The following TJP2 variants were observed in gnomAD, a reference collection of about 807,000 sequenced individuals.
The protein encoded by TJP2 is tight junction protein 2, also known as Friedreich ataxia region gene X104 (tight junction protein ZO-2).
A neutral mutation model predicts 133.1 loss-of-function variants in TJP2; 91 were observed. The ratio of observed to expected loss-of-function variants is 0.68; its 90% CI spans 0.58 to 0.81. The LOEUF (loss-of-function observed/expected upper bound fraction) is 0.81. Among genes scored for constraint, TJP2 ranks in the 40% least tolerant of loss-of-function variants. TJP2 has a pLI of 0.00. For missense variants in TJP2, 1,541 were observed against 1,565.6 expected (o/e 0.98, Z 0.26); for synonymous variants, 592 against 583.4 (o/e 1.01, Z -0.21).
chr9:69,247,008 C>G (rs1228410750), intron 18 of TJP2, among the ~76,000 whole-genome samples: 1 of 152,198 alleles, frequency 6.6e-6, no homozygotes, highest in Non-Finnish European at 1.5e-5. Context: ...ACATTCACTT[C>G]CCTTTCACTT....
At chr9:69,197,788 AGT>A (rs1564426697) in intron 1 of TJP2, among the ~76,000 whole-genome samples, 2 of 152,094 alleles carry the variant, frequency 1.3e-5, no homozygotes, top group Non-Finnish European at 2.9e-5. Context: ...GAGCTTGGAG[AGT>A]GTGTAGGGGG....
chr9:69,155,569 C>T (rs1319993562), intron 2 of TJP2, among the ~76,000 whole-genome samples: 3 of 152,272 alleles, frequency 2.0e-5, no homozygotes, highest in Non-Finnish European at 4.4e-5. Context: ...AACCACTAAC[C>T]TGGAGAGTAC....
chr9:69,214,866 C>CAAAAAAA (rs10672826), intron 2 of TJP2, among the ~76,000 whole-genome samples: 1 of 135,812 alleles, frequency 7.4e-6, no homozygotes. Flanking sequence ...GACTCCATCT[C>CAAAAAAA]AAAAAAAAAA....
At chr9:69,216,269 G>A in intron 2 of TJP2, 70 bp from the exon 3 acceptor site, 1 of 1,585,222 alleles carries the variant, frequency 6.3e-7, no homozygotes, top group Non-Finnish European at 8.6e-7. Flanking sequence ...TTATTTTATT[G>A]AGTGCTTGTA....
chr9:69,234,502 C>G lies in TJP2; in HGVS notation c.1735C>G (p.Pro579Ala). 6.3e-7 allele frequency: 1 copy of G among 1,585,144 alleles called. No individual in the cohort carries two copies. Among genetic ancestry groups the G allele is most frequent in the Non-Finnish European group, 8.6e-7 (1 of 1,167,308 alleles). Residue 579 changes from proline (P) to alanine (A), a missense_variant, in exon 12 of 23, where the codon CCT (proline) becomes GCT (alanine). Coordinates refer to ENST00000377245, the MANE Select transcript of TJP2 (RefSeq NM_004817.4). Reference sequence around the variant, plus strand: ...TGCCGTTCTCTACCTGTTAGAAATCCCTAAAGGTGAAATGGTGACCATTTT... The same window carrying G: ...TGCCGTTCTCTACCTGTTAGAAATCGCTAAAGGTGAAATGGTGACCATTTT... ...EDAVLYLLEI[P>A]KGEMVTILAQ...
intron 2 of TJP2, among the ~76,000 whole-genome samples, chr9:69,157,504 C>T (rs1019824694): frequency 4.7e-5 from 7 of 149,862 alleles, no homozygotes; most frequent in Admixed American, 6.6e-5. Context: ...CTCACTCTGT[C>T]GCCCAGGCTG....
At chr9:69,219,949 G>A (rs898484428) in intron 4 of TJP2, among the ~76,000 whole-genome samples, 1 of 151,842 alleles carries the variant, frequency 6.6e-6, no homozygotes, top group Non-Finnish European at 1.5e-5. Flanking sequence ...TCAGGAGTTC[G>A]AGACCAGCCT....
intron 2 of TJP2, among the ~76,000 whole-genome samples, chr9:69,213,540 A>G (rs1828104520): frequency 6.6e-6 from 1 of 152,212 alleles, no homozygotes; most frequent in Non-Finnish European, 1.5e-5. Flanking sequence ...GTGAGCTTCA[A>G]GCTTTGTCTT....
At chr9:69,231,442 C>G (rs1388789719) in intron 11 of TJP2, among the ~76,000 whole-genome samples, 6 of 150,592 alleles carry the variant, frequency 4.0e-5, no homozygotes, top group Non-Finnish European at 8.8e-5. Flanking sequence ...TGCAAACTTG[C>G]AGTTCATATA....
At chr9:69,177,289 A>G (rs1357486205) in intron 1 of TJP2, among the ~76,000 whole-genome samples, 1 of 152,148 alleles carries the variant, frequency 6.6e-6, no homozygotes, top group Non-Finnish European at 1.5e-5. Context: ...GAAGCAGAAC[A>G]GTTTTCTCTG....
At chr9:69,162,611 G>C (rs1408240544) in intron 2 of TJP2, among the ~76,000 whole-genome samples, 2 of 152,222 alleles carry the variant, frequency 1.3e-5, no homozygotes, top group Non-Finnish European at 2.9e-5. Context: ...TATGCAGTTA[G>C]AAAAGATGAT....
At chr9:69,251,476 C>A in intron 21 of TJP2, 112 bp downstream of exon 21, 1 of 1,135,536 alleles carries the variant, frequency 8.8e-7, no homozygotes, top group Non-Finnish European at 1.3e-6. Flanking sequence ...GGATGCACTG[C>A]ACCAAAGGCA....
chr9:69,244,142 C>G (rs934183879), intron 17 of TJP2, among the ~76,000 whole-genome samples: 2 of 140,516 alleles, frequency 1.4e-5, no homozygotes, highest in African/African-American at 5.4e-5. Flanking sequence ...CGAGATTGCA[C>G]TACAGCACTC....
intron 20 of TJP2, chr9:69,249,781 G>A: frequency 2.0e-6 from 2 of 980,498 alleles, no homozygotes; most frequent in South Asian, 9.4e-5. Flanking sequence ...GAAAAATACT[G>A]TACTGTATAC....
intron 2 of TJP2, among the ~76,000 whole-genome samples, chr9:69,162,359 A>G (rs964069647): frequency 1.1e-4 from 16 of 152,022 alleles, no homozygotes; most frequent in South Asian, 2.1e-4. Context: ...GGAATATTCT[A>G]TTCTGTTTAA....
chr9:69,173,307 C>T (rs1278992740), upstream of TJP2, among the ~76,000 whole-genome samples: 2 of 152,138 alleles, frequency 1.3e-5, no homozygotes, highest in African/African-American at 2.4e-5. Flanking sequence ...TATTTTTAAT[C>T]GGTACCTGTT....
At chr9:69,182,425 C>T (rs1825578831) in intron 1 of TJP2, among the ~76,000 whole-genome samples, 1 of 152,182 alleles carries the variant, frequency 6.6e-6, no homozygotes, top group East Asian at 1.9e-4. Context: ...AAGTTTGCAA[C>T]ACATTGAAAG....
chr9:69,225,378 A>G lies in TJP2; in HGVS notation c.1027A>G (p.Asn343Asp), dbSNP rs538420656. 16 of 1,613,770 alleles carry G rather than the reference A, an allele frequency of 9.9e-6. No homozygotes were observed. In the Admixed American group the frequency reaches 2.5e-4, roughly 25 times the overall value. Residue 343 changes from asparagine to aspartate, a missense_variant, in exon 6 of 23, where the codon AAC becomes GAC. Transcript: ENST00000377245. ...AACGGGTCTGGCAACTAAAGATGGC[A>G]ACCTTCACGAAGGAGACATAATTCT... Reference protein sequence around the residue: ...TRTGLATKDGNLHEGDIILKI... With the variant: ...TRTGLATKDGDLHEGDIILKI...
At chr9:69,135,402 G>C (rs749949214) in intron 1 of TJP2, among the ~76,000 whole-genome samples, 1 of 152,128 alleles carries the variant, frequency 6.6e-6, no homozygotes, top group Non-Finnish European at 1.5e-5. Flanking sequence ...CTGGGATTCT[G>C]ACCAGGCAGT....
Sources: allele counts gnomAD v4.1 joint callset (sites outside exome capture counted in the v4.1 genomes callset), GRCh38; gene constraint gnomAD v4.1.1; transcripts MANE v1.5; gene names NCBI Gene and HGNC (gene_info 2026-07-23, HGNC 2026-07-21).